MAP3K2: variants seen among roughly 807,000 people sequenced by gnomAD.
The protein encoded by MAP3K2 is MAP/ERK kinase kinase 2.
Under a neutral mutation model 80.3 loss-of-function variants are expected in MAP3K2, and 24 were observed. That is an observed-to-expected ratio of 0.30 (90% confidence interval 0.22 to 0.42). The LOEUF (loss-of-function observed/expected upper bound fraction) is 0.42, where lower values mean the gene tolerates loss of function less well. Among genes scored for constraint, MAP3K2 ranks in the 10% least tolerant of loss-of-function variants. MAP3K2 has a pLI of 1.00. For missense variants in MAP3K2, 608 were observed against 750.1 expected (o/e 0.81, Z 2.21); for synonymous variants, 244 against 253.7 (o/e 0.96, Z 0.36).
intron 1 of MAP3K2, among the ~76,000 whole-genome samples, chr2:127,352,855 T>C (rs1686718482): frequency 6.6e-6 from 1 of 152,148 alleles, no homozygotes; most frequent in Non-Finnish European, 1.5e-5. Context: ...CGCGCCGCCA[T>C]GCCTGACTGG....
At chr2:127,382,829 G>A (rs1287722484) in intron 1 of MAP3K2, among the ~76,000 whole-genome samples, 12 of 152,244 alleles carry the variant, frequency 7.9e-5, no homozygotes, top group Non-Finnish European at 1.2e-4. Context: ...CCCAGCAGAT[G>A]TCGGTATATT....
chr2:127,387,749 G>C lies in MAP3K2; in HGVS notation c.-363C>G. ...GCCGCTGCAACCCCGAGGCCCGCGG[G>C]AACTGGGCAGGAAAGGAGGAAGCCG... On this transcript the variant is annotated 5_prime_UTR_variant, in exon 1 of 17. Transcript: ENST00000682094. 1.0e-6 allele frequency: 1 copy of C among 984,982 alleles called. No individual in the cohort carries two copies. The highest frequency in any genetic ancestry group is 1.1e-4 in the East Asian group (1 of 8,760). The allele number at this position is 984,982 out of a possible 1,614,324, so 61.0% of individuals were successfully genotyped here.
chr2:127,322,700 T>C lies in MAP3K2; in HGVS notation c.839-448A>G, dbSNP rs778170120. On this transcript the variant is annotated intron_variant, in intron 11 of 16. Coordinates refer to ENST00000682094, the MANE Select transcript of MAP3K2 (RefSeq NM_001371910.2). The surrounding 1 kb of genome is among the most constrained non-coding windows in gnomAD (Gnocchi z 4.2). ...CCTCCGCCTCCAGGGTTCAAGCGAT[T>C]CTCCTGTCTCAGCCTCCCAAGTAGC... is the stretch of plus-strand genomic sequence containing the variant. 6.6e-6 allele frequency among the ~76,000 whole-genome samples: 1 copy of C among 152,000 alleles called. No individual in the cohort carries two copies. Among genetic ancestry groups the C allele is most frequent in the Non-Finnish European group, 1.5e-5 (1 of 67,982 alleles).
intron 1 of MAP3K2, among the ~76,000 whole-genome samples, chr2:127,359,520 ACAAT>A (rs1274309043): frequency 6.6e-6 from 1 of 152,226 alleles, no homozygotes; most frequent in East Asian, 1.9e-4. Flanking sequence ...GTCAAGCGGT[ACAAT>A]CACTTCAGAA....
At chr2:127,369,071 C>T (rs563016946) in intron 1 of MAP3K2, among the ~76,000 whole-genome samples, 2 of 151,718 alleles carry the variant, frequency 1.3e-5, no homozygotes, top group African/African-American at 2.4e-5. Flanking sequence ...CCTCAGCCTC[C>T]GGAGTAGCTG....
Position 127,337,840 on chromosome 2 carries a change from A to G in MAP3K2, c.124-62T>C, listed in dbSNP as rs576734066. ...GACAGATCATTCAGAGATTAGATAA[A>G]ATTTCTACAATTTCTAAATGATTTT... On this transcript the variant is annotated intron_variant, in intron 3 of 16. Coordinates refer to ENST00000682094, the MANE Select transcript of MAP3K2 (RefSeq NM_001371910.2). 4.4e-6 allele frequency: 4 copies of G among 901,386 alleles called. No homozygotes were observed. The East Asian group carries it at 8.7e-5, about 20-fold the overall frequency. The allele number at this position is 901,386 out of a possible 1,614,324, so 55.8% of individuals were successfully genotyped here.
chr2:127,380,079 T>A (rs1479692453), intron 1 of MAP3K2, among the ~76,000 whole-genome samples: 1 of 152,234 alleles, frequency 6.6e-6, no homozygotes, highest in Non-Finnish European at 1.5e-5. Flanking sequence ...CCAAAACTTC[T>A]GTAAATCATC....
At chr2:127,327,494 T>C (rs773486360) in intron 7 of MAP3K2, among the ~76,000 whole-genome samples, 2 of 151,930 alleles carry the variant, frequency 1.3e-5, no homozygotes, top group Non-Finnish European at 2.9e-5. Flanking sequence ...TGGTCCCTAA[T>C]ATTTTTATTC....
rs1385586140 is a variant in MAP3K2 at position 127,322,510 on chromosome 2, A to G, written c.839-258T>C. Reference sequence around the variant, plus strand: ...AAAAGGAACCTCCTCACTTCTGGATAAAAAGGAGGAAAAAAATTTACTCTC... The same window carrying G: ...AAAAGGAACCTCCTCACTTCTGGATGAAAAGGAGGAAAAAAATTTACTCTC... On this transcript the variant is annotated intron_variant, in intron 11 of 16. Transcript: ENST00000682094. The surrounding 1 kb of genome is among the most constrained non-coding windows in gnomAD (Gnocchi z 4.2). Among the ~76,000 whole-genome samples, 3 of 152,218 alleles carry G rather than the reference A, an allele frequency of 2.0e-5. No homozygotes were observed. Among genetic ancestry groups the G allele is most frequent in the Admixed American group, 1.3e-4 (2 of 15,282 alleles).
chr2:127,346,472 T>C (rs548557698), intron 1 of MAP3K2, among the ~76,000 whole-genome samples: 1 of 139,408 alleles, frequency 7.2e-6, no homozygotes, highest in South Asian at 2.3e-4. Flanking sequence ...CCAGTATTAC[T>C]CCAATACCAA....
chr2:127,341,136 C>T (rs1284379351), intron 2 of MAP3K2, among the ~76,000 whole-genome samples: 1 of 151,580 alleles, frequency 6.6e-6, no homozygotes, highest in Non-Finnish European at 1.5e-5. Context: ...ACTACAGGCA[C>T]CCCCCACCAC....
Position 127,310,648 on chromosome 2 carries a change from C to A in MAP3K2, c.1457-1886G>T, listed in dbSNP as rs1439349302. ...CCTGGGTGATAAAGTGAGACCCTGT[C>A]TCAAAAAAACAAAAACAAAAAACCA... On this transcript the variant is annotated intron_variant, in intron 15 of 16. Transcript: ENST00000682094. The surrounding 1 kb of genome is among the most constrained non-coding windows in gnomAD (Gnocchi z 4.8). Among the ~76,000 whole-genome samples the A allele has an allele frequency of 1.3e-5, 2 of 152,092 alleles. No individual in the cohort carries two copies. Among genetic ancestry groups the A allele is most frequent in the South Asian group, 2.1e-4 (1 of 4,836 alleles).
rs73956526 is a variant in MAP3K2, at chr2:127,364,636, T to C, written c.-65-21442A>G. Among the ~76,000 whole-genome samples, 4,035 of 152,274 alleles carry C rather than the reference T, an allele frequency of 0.026. 74 individuals carry two copies. Among genetic ancestry groups the C allele is most frequent in the African/African-American group, 0.032 (1,349 of 41,546 alleles). Reference sequence around the variant, plus strand: ...ACCTTTCTGAAAGGATATTACCTCATAGAACAGCTTCCTAACTATTCCATA... The same window carrying C: ...ACCTTTCTGAAAGGATATTACCTCACAGAACAGCTTCCTAACTATTCCATA... On this transcript the variant is annotated intron_variant, in intron 1 of 16. Coordinates refer to ENST00000682094, the MANE Select transcript of MAP3K2 (RefSeq NM_001371910.2). The surrounding 1 kb of genome is among the most constrained non-coding windows in gnomAD (Gnocchi z 4.1).
chr2:127,309,947 C>T (rs992626628), intron 15 of MAP3K2, among the ~76,000 whole-genome samples: 4 of 152,174 alleles, frequency 2.6e-5, no homozygotes, highest in African/African-American at 9.7e-5. Context: ...TCGCCACGCA[C>T]AGCCCACAAT....
In MAP3K2 at chr2:127,307,598, A is replaced by T. The variant is rs1210371159; in HGVS notation, c.1841T>A (p.Met614Lys). 3 of 1,570,656 alleles carry T rather than the reference A, an allele frequency of 1.9e-6. No homozygotes were observed. Among genetic ancestry groups the T allele is most frequent in the Non-Finnish European group, 2.6e-6 (3 of 1,157,174 alleles). ...TGGCTGCTAGTGATAATGCACAAAC[A>T]TGTGCCTTAAGAGTTCATCAGCTGA... ...RPSADELLRH[M>K]FVHYH Residue 614 changes from methionine to lysine, a missense_variant, in exon 17 of 17, where the codon ATG becomes AAG. By Grantham distance (95) the Met-to-Lys change is moderately conservative. This residue lies in a region of MAP3K2 where 42 missense variants were observed against 53.7 expected (regional missense o/e 0.78). Transcript: ENST00000682094. This position sits in a 1 kb window ranked among gnomAD's most constrained non-coding sequence, Gnocchi z 5.4.
At chr2:127,336,749 T>C (rs187838394) in intron 4 of MAP3K2, among the ~76,000 whole-genome samples, 44 of 152,366 alleles carry the variant, frequency 2.9e-4, no homozygotes, top group Non-Finnish European at 4.6e-4. Context: ...TATTTCTATG[T>C]AGAATATGCT....
chr2:127,351,396 T>G (rs1325975277), intron 1 of MAP3K2, among the ~76,000 whole-genome samples: 6 of 152,110 alleles, frequency 3.9e-5, no homozygotes, highest in Admixed American at 3.9e-4. Flanking sequence ...TTCTTTATAC[T>G]GGTTTTGCAA....
intron 1 of MAP3K2, among the ~76,000 whole-genome samples, chr2:127,352,669 T>C (rs1225977009): frequency 1.3e-5 from 2 of 151,606 alleles, no homozygotes; most frequent in South Asian, 2.1e-4. Context: ...TAAAAAAGAG[T>C]GCATGCTTCC....
chr2:127,329,865 G>T, intron 7 of MAP3K2, 56 bp downstream of exon 7: 1 of 968,586 alleles, frequency 1.0e-6, no homozygotes, highest in Non-Finnish European at 1.7e-6. Flanking sequence ...TACATTAAAG[G>T]ATGGAGAAGA....
Sources: allele counts gnomAD v4.1 joint callset (sites outside exome capture counted in the v4.1 genomes callset), GRCh38; gene constraint gnomAD v4.1.1; regional missense constraint gnomAD v4.1.1; non-coding constraint Gnocchi (gnomAD v3.1); transcripts MANE v1.5; gene names NCBI Gene and HGNC (gene_info 2026-07-23, HGNC 2026-07-21).